Variants in TNS3 observed in about 807,000 individuals in gnomAD.
The protein encoded by TNS3 is tensin 3.
Under a neutral mutation model 140.9 loss-of-function variants are expected in TNS3, and 45 were observed. That is an observed-to-expected ratio of 0.32 (90% confidence interval 0.25 to 0.41). TNS3 has a LOEUF of 0.41. Among genes scored for constraint, TNS3 ranks in the 10% least tolerant of loss-of-function variants. The pLI, the probability that TNS3 is intolerant of heterozygous loss-of-function variation, is 1.00. For missense variants in TNS3, 1,716 were observed against 1,906.7 expected (o/e 0.90, Z 1.86); for synonymous variants, 815 against 788.4 (o/e 1.03, Z -0.56).
intron 20 of TNS3, among the ~76,000 whole-genome samples, chr7:47,339,503 T>C (rs902281367): frequency 2.0e-5 from 3 of 152,202 alleles, no homozygotes; most frequent in African/African-American, 2.4e-5. Flanking sequence ...TGGGCATATC[T>C]GTGTAGGCCT....
At chr7:47,429,005 C>A (rs1584637804) in intron 8 of TNS3, among the ~76,000 whole-genome samples, 1 of 152,172 alleles carries the variant, frequency 6.6e-6, no homozygotes, top group African/African-American at 2.4e-5. Context: ...ATTGGACAGG[C>A]CACCTTCACC....
At chr7:47,440,193 T>C (rs972697997) in intron 5 of TNS3, among the ~76,000 whole-genome samples, 4 of 151,942 alleles carry the variant, frequency 2.6e-5, no homozygotes, top group South Asian at 2.1e-4. Flanking sequence ...CGGCCAAGGA[T>C]GAGGCTGGTG....
chr7:47,515,842 CT>C (rs1390029599), intron 2 of TNS3, among the ~76,000 whole-genome samples: 1 of 152,242 alleles, frequency 6.6e-6, no homozygotes, highest in Non-Finnish European at 1.5e-5. Flanking sequence ...CCATTGAACA[CT>C]TTCTGGAGCT....
intron 2 of TNS3, among the ~76,000 whole-genome samples, chr7:47,523,625 G>A (rs910534688): frequency 2.6e-5 from 4 of 152,220 alleles, no homozygotes; most frequent in Non-Finnish European, 4.4e-5. Flanking sequence ...GATGGAGCCT[G>A]CAAGTGCTCC....
At chr7:47,489,911 C>A (rs1043111362) in intron 3 of TNS3, among the ~76,000 whole-genome samples, 1 of 152,100 alleles carries the variant, frequency 6.6e-6, no homozygotes, top group African/African-American at 2.4e-5. Flanking sequence ...CAGCCGAGGC[C>A]CGCAGAGGCA....
At chr7:47,437,673 T>C (rs1398889344) in intron 6 of TNS3, among the ~76,000 whole-genome samples, 1 of 149,548 alleles carries the variant, frequency 6.7e-6, no homozygotes, top group Non-Finnish European at 1.5e-5. Flanking sequence ...CAACTAGTAT[T>C]AAACCAGGCG....
chr7:47,467,397 G>A (rs546788235), intron 4 of TNS3, among the ~76,000 whole-genome samples: 7 of 152,252 alleles, frequency 4.6e-5, no homozygotes, highest in Admixed American at 2.6e-4. Context: ...CAAGGTTTCC[G>A]GCAGGGACTT....
chr7:47,345,876 C>G (rs1416430194), intron 18 of TNS3, among the ~76,000 whole-genome samples: 1 of 152,252 alleles, frequency 6.6e-6, no homozygotes, highest in Non-Finnish European at 1.5e-5. Context: ...TGCTGTGCTC[C>G]TTGTGCCCAT....
At chr7:47,506,605 G>A (rs1170963429) in intron 3 of TNS3, among the ~76,000 whole-genome samples, 1 of 151,980 alleles carries the variant, frequency 6.6e-6, no homozygotes, top group African/African-American at 2.4e-5. Context: ...AGTATGACAA[G>A]GCAGTGAGAA....
intron 25 of TNS3, 119 bp from the exon 26 acceptor site, chr7:47,293,024 C>T: frequency 1.3e-6 from 1 of 790,624 alleles, no homozygotes; most frequent in Non-Finnish European, 2.0e-6. Flanking sequence ...TTTTTAGCAA[C>T]TGGTATGTTA....
chr7:47,456,420 C>G (rs1005801652), intron 4 of TNS3, among the ~76,000 whole-genome samples: 27 of 152,190 alleles, frequency 1.8e-4, no homozygotes, highest in African/African-American at 6.3e-4. Flanking sequence ...GATTCCCCAC[C>G]TGGGGAATGG....
chr7:47,297,379 A>G (rs928152325), intron 23 of TNS3, among the ~76,000 whole-genome samples, 166 bp from the exon 24 acceptor site: 4 of 151,864 alleles, frequency 2.6e-5, no homozygotes, highest in Non-Finnish European at 4.4e-5. Flanking sequence ...ATGTCCATGC[A>G]GTTGAGGGAC....
At chr7:47,466,095 C>A (rs922132585) in intron 4 of TNS3, among the ~76,000 whole-genome samples, 23 of 152,060 alleles carry the variant, frequency 1.5e-4, no homozygotes, top group African/African-American at 5.6e-4. Context: ...TTTATTTTTA[C>A]AGTCTAAGTT....
intron 16 of TNS3, among the ~76,000 whole-genome samples, chr7:47,393,497 C>T (rs13230267): frequency 0.41 from 62,363 of 151,864 alleles, 13,142 homozygotes; most frequent in East Asian, 0.65. Flanking sequence ...ACTCAGATTC[C>T]GTGTGGCGGG....
chr7:47,533,493 G>A (rs1799491138), intron 1 of TNS3, among the ~76,000 whole-genome samples: 1 of 151,486 alleles, frequency 6.6e-6, no homozygotes, highest in East Asian at 1.9e-4. Flanking sequence ...TAATCAAAGG[G>A]AAGTTGGAGT....
intron 18 of TNS3, among the ~76,000 whole-genome samples, chr7:47,345,799 G>T (rs1789301997): frequency 6.6e-6 from 1 of 152,182 alleles, no homozygotes; most frequent in Admixed American, 6.5e-5. Context: ...GCTGCTGTCG[G>T]GCTATGGAGA....
chr7:47,277,005 G>A lies in TNS3; in HGVS notation c.*1071C>T, dbSNP rs1784898573. The A allele has an allele frequency of 6.6e-6, 1 of 152,164 alleles. No individual in the cohort carries two copies. The highest frequency in any genetic ancestry group is 2.1e-4 in the South Asian group (1 of 4,822). The allele number at this position is 152,164 out of a possible 1,614,324, so 9.4% of individuals were successfully genotyped here. A position where few individuals can be genotyped will look rare whatever the true frequency, so the allele number is the denominator to read the frequency against. On this transcript the variant is annotated 3_prime_UTR_variant, in exon 31 of 31. Coordinates refer to ENST00000311160, the MANE Select transcript of TNS3 (RefSeq NM_022748.12). The stretch of plus-strand genomic sequence containing the variant: ...AATCCAGGAGTTTTCCATCCCTCCT[G>A]GACTCTCTCCATCAGAAAAGAAGTC...
In TNS3 at chr7:47,359,368, G is replaced by C. The variant is rs564404683; in HGVS notation, c.2281+8997C>G. ...CATCCCCAGGGACAGGAGGGGATGA[G>C]TGAGTGCCAGGGGTTTGGCAGGGAG... On this transcript the variant is annotated intron_variant, in intron 17 of 30. Transcript: ENST00000311160. Among the ~76,000 whole-genome samples, 4 of 152,338 alleles carry C rather than the reference G, an allele frequency of 2.6e-5. No homozygotes were observed. The East Asian group carries it at 7.7e-4, about 29-fold the overall frequency.
In TNS3 at chr7:47,277,781, T is replaced by C. The variant is rs776381410; in HGVS notation, c.*295A>G. ...CACCTCGTGTTCTGTGCTGTTTCCTTGCATGTCCCTTTCCCATGGGGACCC... is the reference window on the plus strand; with the variant it reads ...CACCTCGTGTTCTGTGCTGTTTCCTCGCATGTCCCTTTCCCATGGGGACCC... On this transcript the variant is annotated 3_prime_UTR_variant, in exon 31 of 31. Transcript: ENST00000311160. 1.1e-5 allele frequency: 5 copies of C among 456,454 alleles called. No homozygotes were observed. The Admixed American group carries it at 1.3e-4, about 12-fold the overall frequency. 28.3% of individuals were successfully genotyped at this position (456,454 alleles called of 1,614,324 possible). A position where few individuals can be genotyped will look rare whatever the true frequency, so the allele number is the denominator to read the frequency against.
Sources: gnomAD v4.1 joint callset for allele counts (sites outside exome capture counted in the v4.1 genomes callset) on GRCh38, gnomAD v4.1.1 for gene constraint, MANE v1.5 for transcripts, NCBI Gene and HGNC (gene_info 2026-07-23, HGNC 2026-07-21) for gene names.